Variants in ARNT2 observed in about 807,000 individuals in gnomAD.
The protein encoded by ARNT2 is aryl hydrocarbon receptor nuclear translocator 2, also known as ARNT protein 2.
Under a neutral mutation model 91.7 loss-of-function variants are expected in ARNT2, and 36 were observed. The observed-to-expected ratio is 0.39, with a 90% confidence interval of 0.30 to 0.52. ARNT2 has a LOEUF of 0.52. Ranked by LOEUF, ARNT2 falls within the 20% of genes least tolerant of loss-of-function variation. The pLI, the probability that ARNT2 is intolerant of heterozygous loss-of-function variation, is 0.72. For missense variants in ARNT2, 775 were observed against 939.3 expected (o/e 0.83, Z 2.29); for synonymous variants, 365 against 347.1 (o/e 1.05, Z -0.57).
intron 2 of ARNT2, among the ~76,000 whole-genome samples, chr15:80,452,918 C>A (rs1271498589): frequency 6.6e-6 from 1 of 152,224 alleles, no homozygotes; most frequent in African/African-American, 2.4e-5. Flanking sequence ...GATGATTTGA[C>A]TGGGGACCCA....
At chr15:80,554,164 T>G (rs1898134310) in intron 10 of ARNT2, among the ~76,000 whole-genome samples, 1 of 152,228 alleles carries the variant, frequency 6.6e-6, no homozygotes. Flanking sequence ...ATTCTAGCAC[T>G]TTGGGGGGCC....
intron 8 of ARNT2, among the ~76,000 whole-genome samples, chr15:80,524,989 C>T (rs564774488): frequency 4.6e-5 from 7 of 152,158 alleles, no homozygotes; most frequent in African/African-American, 1.4e-4. Context: ...TCAAGTGTAT[C>T]TATGCGTTGA....
chr15:80,579,128 C>T (rs557935138), intron 15 of ARNT2, among the ~76,000 whole-genome samples: 1 of 152,316 alleles, frequency 6.6e-6, no homozygotes, highest in Admixed American at 6.5e-5. Flanking sequence ...CCCTTTCTGC[C>T]AAGGCGCCTT....
At chr15:80,424,977 G>A (rs1370599228) in intron 1 of ARNT2, among the ~76,000 whole-genome samples, 1 of 152,114 alleles carries the variant, frequency 6.6e-6, no homozygotes, top group Non-Finnish European at 1.5e-5. Flanking sequence ...GTAGCAAAAG[G>A]GGTTGAAGTT....
chr15:80,510,317 T>A (rs1566990181), intron 6 of ARNT2, among the ~76,000 whole-genome samples: 1 of 151,960 alleles, frequency 6.6e-6, no homozygotes, highest in East Asian at 1.9e-4. Context: ...AAGGTTAAGA[T>A]GCCTGTCTAT....
intron 12 of ARNT2, 52 bp from the exon 13 acceptor site, chr15:80,574,096 A>G (rs1210074914): frequency 9.8e-6 from 15 of 1,535,660 alleles, no homozygotes; most frequent in Admixed American, 3.3e-5. Context: ...GCTTAGCCCT[A>G]TTGTCACCCC....
rs771016651 is a variant in ARNT2, at chr15:80,575,148, G to C, written c.1513+38G>C. ...ATGGTACTGAGGTTTTGAGAGTGTG[G>C]GTTTACAGTTGCTTTCAGGCCATCT... On this transcript the variant is annotated intron_variant, in intron 14 of 18. Transcript: ENST00000303329. 3 of 1,603,998 alleles carry C rather than the reference G, an allele frequency of 1.9e-6. No individual in the cohort carries two copies. The African/African-American group carries it at 4.0e-5, about 21-fold the overall frequency.
intron 8 of ARNT2, among the ~76,000 whole-genome samples, chr15:80,516,927 G>C (rs1897445633): frequency 7.0e-6 from 1 of 143,746 alleles, no homozygotes; most frequent in Admixed American, 7.0e-5. Flanking sequence ...TCCTTCTTCT[G>C]TCTTTTCATT....
intron 1 of ARNT2, among the ~76,000 whole-genome samples, chr15:80,445,792 C>G (rs758528148): frequency 6.6e-6 from 1 of 151,964 alleles, no homozygotes; most frequent in Non-Finnish European, 1.5e-5. Flanking sequence ...CTCAGGCTCA[C>G]GGGGTTTGCA....
intron 8 of ARNT2, among the ~76,000 whole-genome samples, chr15:80,535,067 A>C (rs1330848902): frequency 6.6e-6 from 1 of 152,204 alleles, no homozygotes; most frequent in Non-Finnish European, 1.5e-5. Flanking sequence ...CTCTTTCTAC[A>C]TTCAGGGCAG....
At chr15:80,547,794 G>GT (rs1016621082) in intron 8 of ARNT2, among the ~76,000 whole-genome samples, 18 of 151,990 alleles carry the variant, frequency 1.2e-4, no homozygotes, top group East Asian at 3.9e-4. Flanking sequence ...AACAAGTGCA[G>GT]TTTTTTTTAA....
chr15:80,456,555 T>C (rs1442013647), intron 2 of ARNT2, among the ~76,000 whole-genome samples: 1 of 152,206 alleles, frequency 6.6e-6, no homozygotes, highest in Non-Finnish European at 1.5e-5. Flanking sequence ...AATACTTCTT[T>C]GCCTTACCTA....
At chr15:80,548,917 A>G (rs1451739220) in intron 8 of ARNT2, among the ~76,000 whole-genome samples, 2 of 152,160 alleles carry the variant, frequency 1.3e-5, no homozygotes, top group African/African-American at 4.8e-5. Flanking sequence ...GGTACTATCA[A>G]AGTTCCTGTG....
At chr15:80,579,059 C>T (rs191941988) in intron 15 of ARNT2, among the ~76,000 whole-genome samples, 12 of 152,334 alleles carry the variant, frequency 7.9e-5, no homozygotes, top group African/African-American at 2.4e-4. Flanking sequence ...CAGCTGTAGC[C>T]CAGAGGCCCC....
chr15:80,408,226 A>G (rs1391929658), intron 1 of ARNT2, among the ~76,000 whole-genome samples: 1 of 152,204 alleles, frequency 6.6e-6, no homozygotes, highest in Admixed American at 6.5e-5. Context: ...TGATATGCCA[A>G]GCTGTCTGCA....
chr15:80,583,068 A>G (rs776940369), intron 17 of ARNT2, among the ~76,000 whole-genome samples: 2 of 152,308 alleles, frequency 1.3e-5, no homozygotes, highest in Middle Eastern at 6.8e-3. Flanking sequence ...GCCCTGGAAG[A>G]CAGGAGACCT....
intron 1 of ARNT2, among the ~76,000 whole-genome samples, chr15:80,443,657 G>A (rs979273879): frequency 1.3e-5 from 2 of 152,194 alleles, no homozygotes; most frequent in African/African-American, 4.8e-5. Flanking sequence ...GGAAGAACAG[G>A]CAGAGGAGGC....
At chr15:80,592,338 C>G (rs148868354) in intron 18 of ARNT2, among the ~76,000 whole-genome samples, 1 of 152,340 alleles carries the variant, frequency 6.6e-6, no homozygotes, top group Non-Finnish European at 1.5e-5. Context: ...CTTGGCTCAA[C>G]TTTCAGCCAG....
chr15:80,443,009 TC>T (rs1179208634), intron 1 of ARNT2: 1 of 985,290 alleles, frequency 1.0e-6, no homozygotes, highest in African/African-American at 1.7e-5. Context: ...CTTCATTCAT[TC>T]CCAGGAGAAG....
Sources: allele counts gnomAD v4.1 joint callset (sites outside exome capture counted in the v4.1 genomes callset), GRCh38; gene constraint gnomAD v4.1.1; transcripts MANE v1.5; gene names NCBI Gene and HGNC (gene_info 2026-07-23, HGNC 2026-07-21).